The following SPECC1 variants were observed in gnomAD, a reference collection of about 807,000 sequenced individuals.
The protein encoded by SPECC1 is sperm antigen with calponin homology and coiled-coil domains 1, also known as cytospin-B.
SPECC1 carries 62 observed loss-of-function variants against 104.1 expected under a neutral mutation model. The observed-to-expected ratio is 0.60, with a 90% confidence interval of 0.49 to 0.74. The LOEUF (loss-of-function observed/expected upper bound fraction) is 0.74. SPECC1 is among the 30% of genes least tolerant of loss of function. The pLI is 0.00. For missense variants in SPECC1, 1,306 were observed against 1,310.5 expected (o/e 1.00, Z 0.05); for synonymous variants, 513 against 501.6 (o/e 1.02, Z -0.30).
chr17:20,043,699 A>G (rs1462845004), intron 1 of SPECC1, among the ~76,000 whole-genome samples: 1 of 152,198 alleles, frequency 6.6e-6, no homozygotes, highest in Non-Finnish European at 1.5e-5. Context: ...TTCATAGTCC[A>G]CACCTAGAAT....
intron 12 of SPECC1, among the ~76,000 whole-genome samples, chr17:20,272,620 C>T (rs945784375): frequency 1.3e-5 from 2 of 152,324 alleles, no homozygotes; most frequent in Admixed American, 6.5e-5. Context: ...CCCATATAAA[C>T]GGAATCATAC....
At chr17:20,030,027 C>T (rs1265373360) in intron 1 of SPECC1, among the ~76,000 whole-genome samples, 1 of 152,156 alleles carries the variant, frequency 6.6e-6, no homozygotes, top group Non-Finnish European at 1.5e-5. Flanking sequence ...GGATTCTTTC[C>T]TAGAGCCTTC....
intron 3 of SPECC1, among the ~76,000 whole-genome samples, chr17:20,134,348 C>T (rs1306497724): frequency 2.0e-5 from 3 of 151,670 alleles, no homozygotes; most frequent in Non-Finnish European, 4.4e-5. Flanking sequence ...CTGCCACCTG[C>T]ACCCAACTCC....
chr17:20,153,063 T>C (rs146218134), intron 3 of SPECC1, among the ~76,000 whole-genome samples: 173 of 152,280 alleles, frequency 1.1e-3, no homozygotes, highest in Middle Eastern at 3.4e-3. Flanking sequence ...TGTCTCCAAA[T>C]ACTATCACAT....
chr17:20,069,989 T>C (rs1239776669), intron 1 of SPECC1, among the ~76,000 whole-genome samples: 1 of 152,178 alleles, frequency 6.6e-6, no homozygotes, highest in Non-Finnish European at 1.5e-5. Flanking sequence ...AACTCCTTTA[T>C]TAGCCCTAAG....
At chr17:20,246,128 T>A in intron 8 of SPECC1, 57 bp downstream of exon 8, 1 of 1,594,910 alleles carries the variant, frequency 6.3e-7, no homozygotes, top group East Asian at 2.2e-5. Context: ...GGCCCGACAT[T>A]TGATATGTCT....
At chr17:20,064,298 C>T (rs997953458) in intron 1 of SPECC1, among the ~76,000 whole-genome samples, 2 of 152,156 alleles carry the variant, frequency 1.3e-5, no homozygotes, top group African/African-American at 4.8e-5. Context: ...GGGCACACCA[C>T]CAAGTGTGAT....
intron 10 of SPECC1, among the ~76,000 whole-genome samples, chr17:20,255,919 C>G (rs928384624): frequency 1.3e-4 from 20 of 150,884 alleles, no homozygotes; most frequent in African/African-American, 4.4e-4. Context: ...GCTCTGTCAC[C>G]CAGGCTGGAG....
At chr17:20,246,495 C>G (rs904970823) in intron 8 of SPECC1, among the ~76,000 whole-genome samples, 2 of 152,150 alleles carry the variant, frequency 1.3e-5, no homozygotes, top group Non-Finnish European at 2.9e-5. Flanking sequence ...CCTGGCCATC[C>G]CCATCTTGCA....
chr17:20,103,854 A>T (rs1234101061), intron 2 of SPECC1, among the ~76,000 whole-genome samples: 1 of 152,166 alleles, frequency 6.6e-6, no homozygotes, highest in Admixed American at 6.5e-5. Context: ...TACAGCTAAC[A>T]TACTAGGTGT....
At chr17:20,295,863 G>C (rs556515251) in intron 12 of SPECC1, among the ~76,000 whole-genome samples, 1 of 152,144 alleles carries the variant, frequency 6.6e-6, no homozygotes, top group Non-Finnish European at 1.5e-5. Flanking sequence ...TTTTTGATGG[G>C]GTTGTTTGAT....
chr17:20,150,267 G>A (rs2031875853), intron 3 of SPECC1, among the ~76,000 whole-genome samples: 1 of 151,670 alleles, frequency 6.6e-6, no homozygotes, highest in South Asian at 2.1e-4. Context: ...ACAGGCGTGA[G>A]CCACTGTGCC....
At chr17:20,178,715 A>T (rs1006339879) in intron 3 of SPECC1, among the ~76,000 whole-genome samples, 15 of 152,230 alleles carry the variant, frequency 9.9e-5, no homozygotes, top group Non-Finnish European at 1.8e-4. Context: ...TGCTTAAGGG[A>T]TCTATGTAGG....
At chr17:20,019,205 ATCATTCATTTATTTAT>A (rs2044270154) in intron 1 of SPECC1, among the ~76,000 whole-genome samples, 1 of 92,186 alleles carries the variant, frequency 1.1e-5, no homozygotes, top group African/African-American at 4.2e-5. Flanking sequence ...AGAAGACCCT[ATCATTCATTTATTTAT>A]TTATTTATTT....
intron 4 of SPECC1, among the ~76,000 whole-genome samples, chr17:20,210,596 C>T (rs907779400): frequency 6.6e-6 from 1 of 152,220 alleles, no homozygotes; most frequent in South Asian, 2.1e-4. Context: ...ACAGTTGCAG[C>T]CTGATTCTTG....
chr17:20,047,605 C>CT (rs201604364), intron 1 of SPECC1, among the ~76,000 whole-genome samples: 8 of 149,882 alleles, frequency 5.3e-5, no homozygotes, highest in African/African-American at 1.5e-4. Context: ...TCGTATCTAA[C>CT]TTTTTTTTTT....
intron 8 of SPECC1, among the ~76,000 whole-genome samples, chr17:20,246,660 GT>G (rs2039434152): frequency 6.6e-6 from 1 of 152,130 alleles, no homozygotes; most frequent in African/African-American, 2.4e-5. Context: ...AGAAAGATGC[GT>G]AGCTATACTT....
At chr17:20,246,173 C>A (rs991355310) in intron 8 of SPECC1, 102 bp downstream of exon 8, 8 of 1,430,450 alleles carry the variant, frequency 5.6e-6, no homozygotes, top group Admixed American at 1.8e-5. Flanking sequence ...TGTGTTGTTA[C>A]AACCACAAGG....
At position 20,155,741 on chromosome 17, in the gene SPECC1, C is replaced by G. The variant is rs140828285; in HGVS notation, c.283+45179C>G. 1.2e-3 allele frequency: 281 copies of G among 225,644 alleles called. 2 individuals carry two copies. Among genetic ancestry groups the G allele is most frequent in the African/African-American group, 5.7e-3 (248 of 43,288 alleles). 14.0% of individuals were successfully genotyped at this position (225,644 alleles called of 1,614,324 possible). On this transcript the variant is annotated intron_variant, in intron 3 of 14. Transcript: ENST00000395527. ...CGGCGGCACTAGGCTTCCGCCTCAC[C>G]GCAGTGGGGTTTTTCCAGCCTACCT...
Sources: allele counts gnomAD v4.1 joint callset (sites outside exome capture counted in the v4.1 genomes callset), GRCh38; gene constraint gnomAD v4.1.1; transcripts MANE v1.5; gene names NCBI Gene and HGNC (gene_info 2026-07-23, HGNC 2026-07-21).